The following CYP7B1 variants were observed in gnomAD, a reference collection of about 807,000 sequenced individuals.
The protein encoded by CYP7B1 is cytochrome P450 7B1.
CYP7B1 carries 29 observed loss-of-function variants against 42.7 expected under a neutral mutation model. The ratio of observed to expected loss-of-function variants is 0.68; its 90% confidence interval spans 0.51 to 0.93. The LOEUF is 0.93. CYP7B1 is among the 40% of genes least tolerant of loss of function. The probability of loss-of-function intolerance (pLI) is 0.00; values close to 1 mark genes in which losing one functional copy is unlikely to be tolerated. For synonymous variants in CYP7B1, 235 were observed against 218.2 expected (o/e 1.08, Z -0.68); for missense variants, 655 against 600.5 (o/e 1.09, Z -0.95).
intron 1 of CYP7B1, among the ~76,000 whole-genome samples, chr8:64,682,930 C>T (rs377401695): frequency 1.3e-5 from 2 of 152,330 alleles, no homozygotes; most frequent in Admixed American, 6.5e-5. Context: ...TACAACTCAA[C>T]AAATGGCAGT....
intron 1 of CYP7B1, among the ~76,000 whole-genome samples, chr8:64,685,857 G>C (rs1207609753): frequency 1.5e-4 from 6 of 39,530 alleles, no homozygotes; most frequent in South Asian, 6.8e-4. Flanking sequence ...GGCCAGCCGT[G>C]CCATCCGGGA....
intron 1 of CYP7B1, among the ~76,000 whole-genome samples, chr8:64,634,705 G>A (rs983339113): frequency 1.3e-5 from 2 of 152,080 alleles, no homozygotes; most frequent in Non-Finnish European, 2.9e-5. Context: ...TGAATCAAAG[G>A]TTGATTTTTT....
chr8:64,798,366 T>G (rs1451414485), intron 1 of CYP7B1, 100 bp downstream of exon 1: 3 of 1,394,474 alleles, frequency 2.2e-6, no homozygotes, highest in Non-Finnish European at 2.8e-6. Context: ...TCTGACTGTC[T>G]GCACTGGAAA....
intron 1 of CYP7B1, among the ~76,000 whole-genome samples, chr8:64,771,080 T>TTA (rs61295651): frequency 7.6e-6 from 1 of 132,376 alleles, no homozygotes; most frequent in Non-Finnish European, 1.6e-5. Context: ...TTTTTTTTTT[T>TTA]AGACAGGGTC....
At chr8:64,641,357 A>G (rs1022968855) in intron 1 of CYP7B1, among the ~76,000 whole-genome samples, 3 of 152,172 alleles carry the variant, frequency 2.0e-5, no homozygotes, top group African/African-American at 7.2e-5. Flanking sequence ...TGGTTGATAA[A>G]AGTAAAATAC....
At chr8:64,601,451 A>G (rs1241394050) in intron 5 of CYP7B1, among the ~76,000 whole-genome samples, 4 of 152,176 alleles carry the variant, frequency 2.6e-5, no homozygotes, top group Non-Finnish European at 4.4e-5. Flanking sequence ...AAAGCCAACG[A>G]ACAGATTTAG....
chr8:64,667,892 T>C (rs569956881), intron 1 of CYP7B1, among the ~76,000 whole-genome samples: 1 of 152,314 alleles, frequency 6.6e-6, no homozygotes, highest in African/African-American at 2.4e-5. Flanking sequence ...TTGAGTGTTT[T>C]TGCAAATTCA....
chr8:64,645,650 C>T (rs1356612684), intron 1 of CYP7B1, among the ~76,000 whole-genome samples: 2 of 152,092 alleles, frequency 1.3e-5, no homozygotes, highest in South Asian at 2.1e-4. Flanking sequence ...TAAATGCCAT[C>T]CCCATCAAGC....
At position 64,798,503 on chromosome 8, in the gene CYP7B1, G is replaced by GCAGGGCCGCGGCGAGGGC. The variant is rs1804747340; in HGVS notation, c.67_84dup (p.Ala23_Leu28dup). ...ACAAGCAAGCAGAGGGCCAGGAGCA[G>GCAGGGCCGCGGCGAGGGC]CAGGGCCGCGGCGAGGGCCAGGCCC... On this transcript the variant is annotated inframe_insertion, in exon 1 of 6. Coordinates refer to ENST00000310193, the MANE Select transcript of CYP7B1 (RefSeq NM_004820.5). 4.6e-6 allele frequency: 7 copies of GCAGGGCCGCGGCGAGGGC among 1,509,408 alleles called. No homozygotes were observed. The highest frequency in any genetic ancestry group is 2.9e-5 in the African/African-American group (2 of 69,338). 93.5% of individuals were successfully genotyped at this position (1,509,408 alleles called of 1,614,324 possible). A position where few individuals can be genotyped will look rare whatever the true frequency, so the allele number is the denominator to read the frequency against.
At chr8:64,765,734 G>A (rs551578087) in intron 1 of CYP7B1, among the ~76,000 whole-genome samples, 1 of 152,254 alleles carries the variant, frequency 6.6e-6, no homozygotes, top group South Asian at 2.1e-4. Context: ...ATGACTAGGG[G>A]TGCTGGCATC....
At chr8:64,699,387 G>A (rs1563396524) in intron 1 of CYP7B1, among the ~76,000 whole-genome samples, 1 of 151,926 alleles carries the variant, frequency 6.6e-6, no homozygotes, top group Non-Finnish European at 1.5e-5. Context: ...TAAGTGTAAT[G>A]AAAAAATTTT....
intron 1 of CYP7B1, chr8:64,734,196 A>G (rs779802574): frequency 9.2e-5 from 14 of 152,242 alleles, no homozygotes; most frequent in Non-Finnish European, 1.8e-4. Context: ...TAAACTTATG[A>G]GTATGATAAA....
intron 1 of CYP7B1, among the ~76,000 whole-genome samples, chr8:64,739,047 T>A (rs2129633244): frequency 6.6e-6 from 1 of 152,234 alleles, no homozygotes; most frequent in East Asian, 1.9e-4. Context: ...AAAGAGTATT[T>A]GTGAAATATT....
intron 1 of CYP7B1, among the ~76,000 whole-genome samples, chr8:64,683,477 A>C (rs958839984): frequency 6.6e-6 from 1 of 152,192 alleles, no homozygotes; most frequent in Admixed American, 6.5e-5. Flanking sequence ...AAGATGGTTA[A>C]TGGGTACAAA....
chr8:64,586,749 C>T (rs766858169), downstream of CYP7B1, among the ~76,000 whole-genome samples: 4 of 152,184 alleles, frequency 2.6e-5, no homozygotes, highest in Non-Finnish European at 5.9e-5. Context: ...CTAAATTATC[C>T]ACGTGCCAAG....
rs755178154 is a variant in CYP7B1, at chr8:64,615,920, TTTG to T, written c.618_620del (p.Asn206del). On this transcript the variant is annotated inframe_deletion, in exon 3 of 6. Transcript: ENST00000310193. ...AATCATCTCTTAGCTCACTAATAAA[TTTG>T]TTGTTGTCACAAACAATAACTTTTC... 9.3e-6 allele frequency: 15 copies of T among 1,613,638 alleles called. No individual in the cohort carries two copies. Among genetic ancestry groups the T allele is most frequent in the East Asian group, 6.7e-5 (3 of 44,862 alleles).
At chr8:64,686,061 A>G (rs1299037855) in intron 1 of CYP7B1, among the ~76,000 whole-genome samples, 7 of 119,644 alleles carry the variant, frequency 5.9e-5, no homozygotes, top group South Asian at 2.8e-4. Flanking sequence ...GGGGGGGGTC[A>G]GCCCCCCCAC....
At chr8:64,699,822 AT>A (rs1415288563) in intron 1 of CYP7B1, among the ~76,000 whole-genome samples, 2 of 152,182 alleles carry the variant, frequency 1.3e-5, no homozygotes, top group Non-Finnish European at 2.9e-5. Flanking sequence ...AAGTAAAAAA[AT>A]AAATGGCTTA....
At chr8:64,705,504 G>C (rs1181160804) in intron 1 of CYP7B1, among the ~76,000 whole-genome samples, 5 of 150,682 alleles carry the variant, frequency 3.3e-5, no homozygotes, top group Non-Finnish European at 7.4e-5. Flanking sequence ...ATTTGATGTT[G>C]CAAAGTCCAT....
Sources: gnomAD v4.1 joint callset for allele counts (sites outside exome capture counted in the v4.1 genomes callset) on GRCh38, gnomAD v4.1.1 for gene constraint, MANE v1.5 for transcripts, NCBI Gene and HGNC (gene_info 2026-07-23, HGNC 2026-07-21) for gene names.